Variants in NLRP2 observed in about 807,000 individuals in gnomAD.
NLRP2 encodes NACHT, LRR and PYD domains-containing protein 2.
In NLRP2, 107 loss-of-function variants were observed where a neutral mutation model predicts 97.2. That is an observed-to-expected ratio of 1.10 (90% CI 0.94 to 1.29). The LOEUF (loss-of-function observed/expected upper bound fraction) is 1.29. Among genes scored for constraint, NLRP2 ranks in the 50% most tolerant of loss-of-function variants. The pLI is 0.00. For synonymous variants in NLRP2, 663 were observed against 551.5 expected (o/e 1.20, Z -2.83); for missense variants, 1,495 against 1,330.3 (o/e 1.12, Z -1.93).
At chr19:54,995,794 C>T in intron 11 of NLRP2, among the ~76,000 whole-genome samples, 1 of 151,964 alleles carries the variant, frequency 6.6e-6, no homozygotes, top group Non-Finnish European at 1.5e-5. Context: ...GTAATCCTGG[C>T]ATTTTGGGAG....
At chr19:55,000,252 G>C (rs1286756621) in intron 12 of NLRP2, among the ~76,000 whole-genome samples, 1 of 138,044 alleles carries the variant, frequency 7.2e-6, no homozygotes, top group Non-Finnish European at 1.5e-5. Context: ...ACTCCAGCTT[G>C]GGCAACAGAG....
Position 55,000,878 on chromosome 19 carries a change from TCTC to T in NLRP2, c.3170_3172del (p.Ser1057_His1058delinsTyr), listed in dbSNP as rs748801944. 1.2e-6 allele frequency: 2 copies of T among 1,613,672 alleles called. No homozygotes were observed. The highest frequency in any genetic ancestry group is 8.5e-7 in the Non-Finnish European group (1 of 1,179,748). ...TCATCCCTGGGCAGAAAGGCCTTCT[TCTC>T]ATGACTTCATGATCTGAATCCCCCC... is the stretch of plus-strand genomic sequence containing the variant. On this transcript the variant is annotated inframe_deletion, in exon 13 of 13. Coordinates refer to ENST00000448584, the MANE Select transcript of NLRP2 (RefSeq NM_017852.5).
chr19:54,977,151 A>C (rs918679593), intron 3 of NLRP2, among the ~76,000 whole-genome samples: 1 of 151,782 alleles, frequency 6.6e-6, no homozygotes. Context: ...AGTTCATTTT[A>C]AATTTATCTA....
intron 2 of NLRP2, chr19:54,973,981 A>G (rs547707516): frequency 1.6e-6 from 2 of 1,216,644 alleles, no homozygotes; most frequent in South Asian, 1.2e-5. Flanking sequence ...TTTTCCGGAA[A>G]AAGGCTAAAA....
Position 55,000,822 on chromosome 19 carries a change from A to C in NLRP2, c.3113A>C (p.Asn1038Thr). The C allele has an allele frequency of 6.2e-7, 1 of 1,613,596 alleles. No individual in the cohort carries two copies. The highest frequency in any genetic ancestry group is 2.2e-5 in the East Asian group (1 of 44,874). The change falls in exon 13 of 13, where the codon AAC becomes ACC. Residue 1038 changes from asparagine to threonine, a missense_variant. By Grantham distance (65) the Asn-to-Thr change is moderately conservative. Transcript: ENST00000448584. Reference sequence around the variant, plus strand: ...CTGCTGGAAGAAATAGAAGAAAAAAACCCACAACTGATTATTGATACTGAG... The same window carrying C: ...CTGCTGGAAGAAATAGAAGAAAAAACCCCACAACTGATTATTGATACTGAG... ...NKLLEEIEEK[N>T]PQLIIDTEKH...
intron 1 of NLRP2, 133 bp from the exon 2 acceptor site, chr19:54,969,866 A>C (rs932273838): frequency 1.2e-6 from 1 of 867,008 alleles, no homozygotes; most frequent in Non-Finnish European, 1.9e-6. Context: ...TATGTTGCCC[A>C]GGCTGGGAGT....
intron 8 of NLRP2, chr19:54,989,614 C>A (rs752684758): frequency 2.0e-5 from 6 of 305,308 alleles, no homozygotes; most frequent in Non-Finnish European, 3.8e-5. Context: ...AACTGCTGCT[C>A]CAGATAATTC....
intron 10 of NLRP2, 78 bp from the exon 11 acceptor site, chr19:54,994,191 G>A: frequency 6.8e-7 from 1 of 1,478,064 alleles, no homozygotes; most frequent in Non-Finnish European, 9.5e-7. Flanking sequence ...CTAACCCACG[G>A]CTCAAGAGTC....
At chr19:54,977,453 C>G (rs938482644) in intron 3 of NLRP2, among the ~76,000 whole-genome samples, 4 of 150,670 alleles carry the variant, frequency 2.7e-5, no homozygotes, top group African/African-American at 9.8e-5. Flanking sequence ...AGTTAATCCT[C>G]AAAGCCTTTC....
Position 54,986,228 on chromosome 19 carries a change from T to G in NLRP2, c.2279T>G (p.Leu760Arg). ...CGAGGTCACAAGACTGTAACGTATC[T>G]GACCCTTCAAGGCAATGACCAGGAT... Reference protein sequence around the residue: ...ALRGHKTVTYLTLQGNDQDDM... With the variant: ...ALRGHKTVTYRTLQGNDQDDM... The change falls in exon 8 of 13, where the codon CTG becomes CGG. Residue 760 changes from leucine to arginine, a missense_variant. Transcript: ENST00000448584. 6.2e-7 allele frequency: 1 copy of G among 1,613,704 alleles called. No individual in the cohort carries two copies. Among genetic ancestry groups the G allele is most frequent in the Non-Finnish European group, 8.5e-7 (1 of 1,179,602 alleles).
At chr19:54,975,529 G>A (rs2071171992) in intron 3 of NLRP2, among the ~76,000 whole-genome samples, 1 of 143,494 alleles carries the variant, frequency 7.0e-6, no homozygotes, top group Admixed American at 7.0e-5. Flanking sequence ...TCGGCTCACT[G>A]CAAGCTCCGC....
intron 3 of NLRP2, among the ~76,000 whole-genome samples, 195 bp from the exon 4 acceptor site, chr19:54,977,557 A>G (rs2071321583): frequency 6.6e-6 from 1 of 150,580 alleles, no homozygotes; most frequent in South Asian, 2.1e-4. Flanking sequence ...CTACTTAGGA[A>G]TTCTCACCAG....
intron 10 of NLRP2, among the ~76,000 whole-genome samples, chr19:54,992,858 C>A (rs1346011631): frequency 6.6e-6 from 1 of 151,888 alleles, no homozygotes; most frequent in African/African-American, 2.4e-5. Flanking sequence ...CGTGCCGGCC[C>A]CCTCAATTCA....
chr19:54,966,649 C>T (rs1209064507), intron 1 of NLRP2, among the ~76,000 whole-genome samples, 182 bp downstream of exon 1: 3 of 151,572 alleles, frequency 2.0e-5, no homozygotes, highest in South Asian at 2.1e-4. Flanking sequence ...GGGTTCAGGC[C>T]ATTCTCCTGC....
chr19:54,992,548 GGGGT>G lies in NLRP2; in HGVS notation c.2709-1720_2709-1717del, dbSNP rs1387377223. 1.7e-3 allele frequency among the ~76,000 whole-genome samples: 173 copies of G among 102,282 alleles called. 1 individual carries two copies. Among genetic ancestry groups the G allele is most frequent in the African/African-American group, 2.1e-3 (63 of 29,488 alleles). The allele number at this position is 102,282 out of a possible 152,430, so 67.1% of individuals were successfully genotyped here. On this transcript the variant is annotated intron_variant, in intron 10 of 12. Coordinates refer to ENST00000448584, the MANE Select transcript of NLRP2 (RefSeq NM_017852.5). Reference sequence around the variant, plus strand: ...TGTGTGGTATTTTTTTGGGGGGGGGGGGGTTTTCTTTTTTTTTTTTTTTTGGTTT... The same window carrying G: ...TGTGTGGTATTTTTTTGGGGGGGGGGTTTCTTTTTTTTTTTTTTTTGGTTT...
At chr19:54,972,937 A>C (rs377055559) in intron 2 of NLRP2, among the ~76,000 whole-genome samples, 304 of 152,164 alleles carry the variant, frequency 2.0e-3, no homozygotes, top group Middle Eastern at 0.01. Context: ...GCCTGTAATC[A>C]CAGCACTTTG....
chr19:54,976,075 G>A (rs1023720215), intron 3 of NLRP2, among the ~76,000 whole-genome samples: 1 of 151,008 alleles, frequency 6.6e-6, no homozygotes, highest in Non-Finnish European at 1.5e-5. Context: ...TTTGGACAAA[G>A]TCTCACTCTG....
At chr19:54,981,514 C>CT in intron 4 of NLRP2, 103 bp from the exon 5 acceptor site, 3 of 266,620 alleles carry the variant, frequency 1.1e-5, no homozygotes, top group South Asian at 6.4e-5. Flanking sequence ...CCCGTGCCCC[C>CT]CCTCCCCCCC....
chr19:54,973,853 A>G, intron 2 of NLRP2: 4 of 634,298 alleles, frequency 6.3e-6, no homozygotes, highest in Non-Finnish European at 9.1e-6. Context: ...GACTTTCTGT[A>G]AGAAGTGTGG....
Sources: gnomAD v4.1 joint callset for allele counts (sites outside exome capture counted in the v4.1 genomes callset) on GRCh38, gnomAD v4.1.1 for gene constraint, MANE v1.5 for transcripts, NCBI Gene and HGNC (gene_info 2026-07-23, HGNC 2026-07-21) for gene names.